The following BBC3 variants were observed in gnomAD, a reference collection of about 807,000 sequenced individuals.
The protein encoded by BBC3 is bcl-2-binding component 3.
Under a neutral mutation model 18.2 loss-of-function variants are expected in BBC3, and 5 were observed. The observed-to-expected ratio is 0.27, with a 90% confidence interval of 0.14 to 0.58. The LOEUF (loss-of-function observed/expected upper bound fraction) is 0.58, where lower values mean the gene tolerates loss of function less well. Among genes scored for constraint, BBC3 ranks in the 20% least tolerant of loss-of-function variants. BBC3 has a pLI of 0.91. For missense variants in BBC3, 224 were observed against 268.9 expected, an observed-to-expected ratio of 0.83 and a Z score of 1.17; for synonymous variants, 119 against 128.0, an observed-to-expected ratio of 0.93 and a Z score of 0.47.
chr19:47,230,833 A>T lies in BBC3; in HGVS notation c.-16+96T>A, dbSNP rs2058904730. On this transcript the variant is annotated intron_variant, in intron 1 of 3. Coordinates refer to ENST00000439096, the MANE Select transcript of BBC3 (RefSeq NM_014417.5). This position sits in a 1 kb window ranked among gnomAD's most constrained non-coding sequence, Gnocchi z 6.7. ...CGCGGTGTGGGGAGGCAGGGCGCCC[A>T]CACTGCTCTCCGCCTGCACTCCTGT... The T allele has an allele frequency of 1.0e-6, 1 of 984,642 alleles. No homozygotes were observed. Among genetic ancestry groups the T allele is most frequent in the Admixed American group, 6.2e-5 (1 of 16,238 alleles). The allele number at this position is 984,642 out of a possible 1,614,324, so 61.0% of individuals were successfully genotyped here. A position where few individuals can be genotyped will look rare whatever the true frequency, so the allele number is the denominator to read the frequency against.
Position 47,221,838 on chromosome 19 carries a change from G to A in BBC3, c.546C>T (p.Pro182=). 6.2e-7 allele frequency: 1 copy of A among 1,613,816 alleles called. No individual in the cohort carries two copies. Among genetic ancestry groups the A allele is most frequent in the Non-Finnish European group, 8.5e-7 (1 of 1,179,874 alleles). ...CCATCTCGGGGGCTCTGTGGCCCCT[G>A]GGTAAGGGCAGGAGTCCCATGATGA... is the stretch of plus-strand genomic sequence containing the variant. ...YNLIMGLLPL[P]RGHRAPEMEP... is the part of the protein sequence containing the mutation. Residue 182 remains proline, a synonymous_variant, in exon 4 of 4, where the codon CCC becomes CCT. Transcript: ENST00000439096.
upstream of BBC3, among the ~76,000 whole-genome samples, chr19:47,231,658 A>T (rs1231595010): frequency 6.6e-6 from 1 of 152,036 alleles, no homozygotes; most frequent in African/African-American, 2.4e-5. The surrounding 1 kb of genome is among the most constrained non-coding windows in gnomAD (Gnocchi z 4.0). Context: ...GAGCACACAC[A>T]CTCACATACT....
rs1234318632 is a variant in BBC3 at position 47,227,365 on chromosome 19, C to T, written c.275-611G>A. Reference sequence around the variant, plus strand: ...CCTAGGAGGCTCCTGCCCTCCCGTCCCACCAGGTCCTGGCCTGAGGGTTCC... The same window carrying T: ...CCTAGGAGGCTCCTGCCCTCCCGTCTCACCAGGTCCTGGCCTGAGGGTTCC... On this transcript the variant is annotated intron_variant, in intron 2 of 3. Transcript: ENST00000439096. Among the ~76,000 whole-genome samples the T allele has an allele frequency of 4.6e-5, 7 of 151,778 alleles. No homozygotes were observed. In the East Asian group the frequency reaches 1.4e-3, roughly 30 times the overall value.
At chr19:47,225,039 G>C (rs749372917) in intron 3 of BBC3, among the ~76,000 whole-genome samples, 63 of 152,218 alleles carry the variant, frequency 4.1e-4, no homozygotes, top group Non-Finnish European at 6.0e-4. Flanking sequence ...AGCCTCCCGA[G>C]TAGCTGAGAT....
Position 47,230,407 on chromosome 19 carries a change from C to G in BBC3, c.-16+522G>C, listed in dbSNP as rs1183284182. Among the ~76,000 whole-genome samples, 8 of 151,404 alleles carry G rather than the reference C, an allele frequency of 5.3e-5. No homozygotes were observed. Among genetic ancestry groups the G allele is most frequent in the Non-Finnish European group, 1.0e-4 (7 of 67,382 alleles). On this transcript the variant is annotated intron_variant, in intron 1 of 3. Transcript: ENST00000439096. This position sits in a 1 kb window ranked among gnomAD's most constrained non-coding sequence, Gnocchi z 6.7. Reference sequence around the variant, plus strand: ...CCCCCCTCCGCTGTCACAGCCCCCCCCACCGCCGCCACGTGCGCCCGCCCC... The same window carrying G: ...CCCCCCTCCGCTGTCACAGCCCCCCGCACCGCCGCCACGTGCGCCCGCCCC...
chr19:47,231,089 C>G lies in BBC3; in HGVS notation c.-176G>C, dbSNP rs2058908481. 1 of 970,294 alleles carries G rather than the reference C, an allele frequency of 1.0e-6. No individual in the cohort carries two copies. The allele number at this position is 970,294 out of a possible 1,614,324, so 60.1% of individuals were successfully genotyped here. On this transcript the variant is annotated 5_prime_UTR_variant, in exon 1 of 4. Transcript: ENST00000439096. The surrounding 1 kb of genome is among the most constrained non-coding windows in gnomAD (Gnocchi z 4.0). ...GTGGCGGCTGCTGTGGCTGTGGCTG[C>G]TGCTGCTCCCCGGGCCGCAGGCGCG...
In BBC3 at chr19:47,228,131, C is replaced by A; in HGVS notation, c.274+27G>T. ...AGCCCTCTCTCTTCCCGGCTCCTAT[C>A]ACCCCGGGGGCGGGGCGGGCACTCA... is the stretch of plus-strand genomic sequence containing the variant. On this transcript the variant is annotated intron_variant, in intron 2 of 3. Coordinates refer to ENST00000439096, the MANE Select transcript of BBC3 (RefSeq NM_014417.5). This position sits in a 1 kb window ranked among gnomAD's most constrained non-coding sequence, Gnocchi z 5.5. 1 of 1,227,230 alleles carries A rather than the reference C, an allele frequency of 8.1e-7. No individual in the cohort carries two copies. Among genetic ancestry groups the A allele is most frequent in the Non-Finnish European group, 1.0e-6 (1 of 983,862 alleles). 76.0% of individuals were successfully genotyped at this position (1,227,230 alleles called of 1,614,324 possible).
chr19:47,226,008 G>A (rs556820875), intron 3 of BBC3, among the ~76,000 whole-genome samples: 9 of 151,800 alleles, frequency 5.9e-5, no homozygotes, highest in African/African-American at 2.2e-4. Flanking sequence ...GGCGCATGAT[G>A]TTTGTGATTT....
chr19:47,228,408 G>T lies in BBC3; in HGVS notation c.24C>A (p.Gly8=). The change falls in exon 2 of 4, where the codon GGC becomes GGA. Residue 8 remains glycine (G), a synonymous_variant. Coordinates refer to ENST00000439096, the MANE Select transcript of BBC3 (RefSeq NM_014417.5). The surrounding 1 kb of genome is among the most constrained non-coding windows in gnomAD (Gnocchi z 5.5). ...GGCCCTCTACGGGCTCCGGGGAGCTGCCCTCCTGGCGTGCGCGGGCCATGG... is the reference window on the plus strand; with the variant it reads ...GGCCCTCTACGGGCTCCGGGGAGCTTCCCTCCTGGCGTGCGCGGGCCATGG... The part of the protein sequence containing the change: MARARQE[G]SSPEPVEGLA... The T allele has an allele frequency of 8.1e-7, 1 of 1,231,960 alleles. No individual in the cohort carries two copies. Among genetic ancestry groups the T allele is most frequent in the South Asian group, 4.1e-5 (1 of 24,360 alleles). The allele number at this position is 1,231,960 out of a possible 1,614,324, so 76.3% of individuals were successfully genotyped here. A position where few individuals can be genotyped will look rare whatever the true frequency, so the allele number is the denominator to read the frequency against.
chr19:47,226,316 C>A (rs955083451), intron 3 of BBC3, among the ~76,000 whole-genome samples: 1 of 151,924 alleles, frequency 6.6e-6, no homozygotes, highest in Admixed American at 6.6e-5. Context: ...CTCCACTCCT[C>A]GGCGGCCTAG....
rs751511571 is a variant in BBC3 at position 47,221,681 on chromosome 19, A to C, written c.*121T>G. 1.3e-6 allele frequency: 2 copies of C among 1,538,206 alleles called. No homozygotes were observed. Among genetic ancestry groups the C allele is most frequent in the African/African-American group, 1.4e-5 (1 of 71,618 alleles). On this transcript the variant is annotated 3_prime_UTR_variant, in exon 4 of 4. Coordinates refer to ENST00000439096, the MANE Select transcript of BBC3 (RefSeq NM_014417.5). ...GCCCCGGCCCGCCCCCGGGACAGGC[A>C]GGGCTGGGAGTCCAGTATGCTACAT...
intron 3 of BBC3, among the ~76,000 whole-genome samples, chr19:47,225,690 T>C (rs549132760): frequency 9.2e-5 from 14 of 152,138 alleles, no homozygotes; most frequent in Non-Finnish European, 2.1e-4. Flanking sequence ...TTTGCCCATA[T>C]GGTGAATCTG....
chr19:47,231,294 A>G (rs1292808292), upstream of BBC3: 4 of 748,758 alleles, frequency 5.3e-6, no homozygotes, highest in South Asian at 5.8e-5. The surrounding 1 kb of genome is among the most constrained non-coding windows in gnomAD (Gnocchi z 4.0). Flanking sequence ...CCCCCGCGTG[A>G]CGCTACGGCC....
upstream of BBC3, among the ~76,000 whole-genome samples, chr19:47,231,675 G>T (rs943355981): frequency 1.3e-5 from 2 of 152,068 alleles, no homozygotes; most frequent in Admixed American, 6.6e-5. The surrounding 1 kb of genome is among the most constrained non-coding windows in gnomAD (Gnocchi z 4.0). Flanking sequence ...TACTGATGGG[G>T]CTCACACTTA....
rs764811014 is a variant in BBC3, at chr19:47,226,720, G to C, written c.309C>G (p.His103Gln). The C allele has an allele frequency of 2.2e-5, 32 of 1,423,556 alleles. No homozygotes were observed. In the Middle Eastern group the frequency reaches 6.3e-4, roughly 28 times the overall value. The allele number at this position is 1,423,556 out of a possible 1,614,324, so 88.2% of individuals were successfully genotyped here. A position where few individuals can be genotyped will look rare whatever the true frequency, so the allele number is the denominator to read the frequency against. ...GGGCGCTGGGCACGGGCGACTCCAG[G>C]TGCTGCTCCGCCAGCGAGAGCGAGG... Reference protein sequence around the residue: ...PQPSLSLAEQHLESPVPSAPG... With the variant: ...PQPSLSLAEQQLESPVPSAPG... The change falls in exon 3 of 4, where the codon CAC becomes CAG. Residue 103 changes from histidine (H) to glutamine (Q), a missense_variant. Physicochemically the swap from His to Gln is conservative, Grantham distance 24. Coordinates refer to ENST00000439096, the MANE Select transcript of BBC3 (RefSeq NM_014417.5).
At chr19:47,231,527 G>A (rs2058915568), upstream of BBC3, among the ~76,000 whole-genome samples, 1 of 152,122 alleles carries the variant, frequency 6.6e-6, no homozygotes, top group African/African-American at 2.4e-5. This position sits in a 1 kb window ranked among gnomAD's most constrained non-coding sequence, Gnocchi z 4.0. Flanking sequence ...CCAGCGATGC[G>A]TACACAGACC....
chr19:47,226,533 A>G, intron 3 of BBC3, 31 bp downstream of exon 3: 1 of 1,478,624 alleles, frequency 6.8e-7, no homozygotes, highest in East Asian at 3.0e-5. Flanking sequence ...CGGAAGTCCC[A>G]CCTGCCGTCT....
chr19:47,227,536 G>A (rs946209299), intron 2 of BBC3, among the ~76,000 whole-genome samples: 7 of 152,142 alleles, frequency 4.6e-5, no homozygotes, highest in African/African-American at 1.7e-4. Flanking sequence ...GATGGGGGAT[G>A]GGAAACCAGG....
rs2058858791 is a variant in BBC3, at chr19:47,228,063, C to T, written c.274+95G>A. 1 of 1,044,696 alleles carries T rather than the reference C, an allele frequency of 9.6e-7. No individual in the cohort carries two copies. Among genetic ancestry groups the T allele is most frequent in the Non-Finnish European group, 1.2e-6 (1 of 825,412 alleles). 64.7% of individuals were successfully genotyped at this position (1,044,696 alleles called of 1,614,324 possible). A position where few individuals can be genotyped will look rare whatever the true frequency, so the allele number is the denominator to read the frequency against. ...CCAGTGGCCCGGCTGGGCCCGCCAC[C>T]TCCCCCCGTCCTCTCCCACTTCTCC... On this transcript the variant is annotated intron_variant, in intron 2 of 3. Coordinates refer to ENST00000439096, the MANE Select transcript of BBC3 (RefSeq NM_014417.5). This position sits in a 1 kb window ranked among gnomAD's most constrained non-coding sequence, Gnocchi z 5.5.
Sources: allele counts gnomAD v4.1 joint callset (sites outside exome capture counted in the v4.1 genomes callset), GRCh38; gene constraint gnomAD v4.1.1; non-coding constraint Gnocchi (gnomAD v3.1); transcripts MANE v1.5; gene names NCBI Gene and HGNC (gene_info 2026-07-23, HGNC 2026-07-21).